Variants in DPYSL5 observed in about 807,000 individuals in gnomAD.
DPYSL5 encodes the protein dihydropyrimidinase-related protein 5.
In DPYSL5, 9 loss-of-function variants were observed where a neutral mutation model predicts 58.4. That is an observed-to-expected ratio of 0.15 (90% CI 0.09 to 0.27). The LOEUF is 0.27. Ranked by LOEUF, DPYSL5 falls within the 10% of genes least tolerant of loss-of-function variation. DPYSL5 has a pLI of 1.00. For synonymous variants in DPYSL5, 293 were observed against 301.9 expected, an observed-to-expected ratio of 0.97 and a Z score of 0.31; for missense variants, 499 against 770.6, an observed-to-expected ratio of 0.65 and a Z score of 4.17.
rs114789377 is a variant in DPYSL5 at position 26,879,711 on chromosome 2, G to T, written c.-4-18785G>T. 3.9e-3 allele frequency among the ~76,000 whole-genome samples: 587 copies of T among 152,254 alleles called. 4 individuals are homozygous for T. The highest frequency in any genetic ancestry group is 4.9e-3 in the African/African-American group (204 of 41,560). On this transcript the variant is annotated intron_variant, in intron 1 of 12. Transcript: ENST00000288699. Reference sequence around the variant, plus strand: ...CTGCTCTCCTCCACCTCATTACCTTGGGTGGTGGGGTCAGTTGCCATCTTC... The same window carrying T: ...CTGCTCTCCTCCACCTCATTACCTTTGGTGGTGGGGTCAGTTGCCATCTTC...
chr2:26,867,947 G>C (rs1663144182), intron 1 of DPYSL5, among the ~76,000 whole-genome samples: 1 of 152,160 alleles, frequency 6.6e-6, no homozygotes, highest in African/African-American at 2.4e-5. Flanking sequence ...GTTTCCACCA[G>C]CCATGTATGG....
chr2:26,863,451 A>G (rs1666066769), intron 1 of DPYSL5, among the ~76,000 whole-genome samples: 1 of 152,240 alleles, frequency 6.6e-6, no homozygotes, highest in Admixed American at 6.5e-5. Flanking sequence ...ATGGTAAAGG[A>G]AAAGGAGCTC....
rs373034710 is a variant in DPYSL5, at chr2:26,931,203, GTATA to G, written c.670-413_670-410del. 5.1e-4 allele frequency among the ~76,000 whole-genome samples: 23 copies of G among 44,926 alleles called. 1 individual carries two copies. The highest frequency in any genetic ancestry group is 1.7e-3 in the East Asian group (2 of 1,212). The allele number at this position is 44,926 out of a possible 152,430, so 29.5% of individuals were successfully genotyped here. Reference sequence around the variant, plus strand: ...TGTGTGTGTGTGTGTGTGTGTGTGTGTATATATATATATATATATATATATATGA... The same window carrying G: ...TGTGTGTGTGTGTGTGTGTGTGTGTGTATATATATATATATATATATATGA... On this transcript the variant is annotated intron_variant, in intron 5 of 12. Coordinates refer to ENST00000288699, the MANE Select transcript of DPYSL5 (RefSeq NM_020134.4).
chr2:26,876,382 C>T (rs895033555), intron 1 of DPYSL5, among the ~76,000 whole-genome samples: 2 of 152,138 alleles, frequency 1.3e-5, no homozygotes, highest in African/African-American at 4.8e-5. Flanking sequence ...ATGGGGGCCA[C>T]TGGAGGACGA....
chr2:26,931,724 C>T (rs1558350975), intron 6 of DPYSL5, 40 bp downstream of exon 6: 1 of 1,609,652 alleles, frequency 6.2e-7, no homozygotes, highest in South Asian at 1.1e-5. Context: ...AGAAACCAAC[C>T]TTGGCCAGGC....
At chr2:26,891,163 A>G (rs893242676) in intron 1 of DPYSL5, among the ~76,000 whole-genome samples, 6 of 152,178 alleles carry the variant, frequency 3.9e-5, no homozygotes, top group African/African-American at 1.4e-4. Context: ...CTTGGTAAAA[A>G]TGGGGGCAAT....
At chr2:26,889,864 C>A (rs1314709659) in intron 1 of DPYSL5, among the ~76,000 whole-genome samples, 1 of 152,134 alleles carries the variant, frequency 6.6e-6, no homozygotes, top group African/African-American at 2.4e-5. Flanking sequence ...AGAGACAGAC[C>A]AGCAACGTCC....
chr2:26,938,805 T>A (rs1572719916), intron 8 of DPYSL5: 1 of 152,324 alleles, frequency 6.6e-6, no homozygotes, highest in East Asian at 1.9e-4. Flanking sequence ...CCCCTGACCT[T>A]CAGGGCACCC....
intron 1 of DPYSL5, among the ~76,000 whole-genome samples, chr2:26,879,934 A>G (rs1338967125): frequency 6.6e-6 from 1 of 152,178 alleles, no homozygotes; most frequent in African/African-American, 2.4e-5. Flanking sequence ...TCTGTTGCCC[A>G]GGCTGGAGTG....
At chr2:26,910,763 G>A (rs1022972045) in intron 2 of DPYSL5, among the ~76,000 whole-genome samples, 1 of 150,900 alleles carries the variant, frequency 6.6e-6, no homozygotes, top group African/African-American at 2.4e-5. Flanking sequence ...CCCAAAAGTT[G>A]TTTATATAGT....
At chr2:26,882,431 G>C (rs1339610911) in intron 1 of DPYSL5, among the ~76,000 whole-genome samples, 3 of 129,102 alleles carry the variant, frequency 2.3e-5, no homozygotes, top group Admixed American at 2.2e-4. Context: ...GTGTGTGTCT[G>C]TGTGTGTGTG....
intron 2 of DPYSL5, among the ~76,000 whole-genome samples, chr2:26,917,640 A>T (rs1664600290): frequency 6.6e-6 from 1 of 152,186 alleles, no homozygotes; most frequent in African/African-American, 2.4e-5. Context: ...TGTCCTCAGC[A>T]ACCCCCCACC....
At chr2:26,908,996 C>T (rs374315304) in intron 2 of DPYSL5, among the ~76,000 whole-genome samples, 8 of 152,206 alleles carry the variant, frequency 5.3e-5, no homozygotes, top group African/African-American at 1.9e-4. Flanking sequence ...TCTCCCAAAC[C>T]TCACAGAGGT....
At chr2:26,945,248 C>T (rs904793995) in intron 12 of DPYSL5, among the ~76,000 whole-genome samples, 1 of 152,020 alleles carries the variant, frequency 6.6e-6, no homozygotes, top group Admixed American at 6.6e-5. Context: ...TCTGCTACCC[C>T]CTCTCCTCCT....
chr2:26,866,969 A>G (rs1666159682), intron 1 of DPYSL5, among the ~76,000 whole-genome samples: 1 of 151,870 alleles, frequency 6.6e-6, no homozygotes, highest in South Asian at 2.1e-4. Context: ...CCTGACCTCA[A>G]ATGATTCGCA....
chr2:26,936,607 T>A (rs114793167), intron 8 of DPYSL5, among the ~76,000 whole-genome samples: 3,804 of 152,154 alleles, frequency 0.025, 60 homozygotes, highest in Non-Finnish European at 0.039. Flanking sequence ...TAAATAAATA[T>A]GGAGGGTAAA....
rs509047 is a variant in DPYSL5, at chr2:26,905,661, T to C, written c.261+6901T>C. Among the ~76,000 whole-genome samples the C allele has an allele frequency of 0.42, 64,217 of 151,976 alleles. 14,154 individuals are homozygous for C. Among genetic ancestry groups the C allele is most frequent in the Admixed American group, 0.55 (8,444 of 15,262 alleles). ...TCTCCACTTTCTTCTGTGACTCACCTGTAGGCTGTAAAGAGCCCTGTGAAG... is the reference window on the plus strand; with the variant it reads ...TCTCCACTTTCTTCTGTGACTCACCCGTAGGCTGTAAAGAGCCCTGTGAAG... On this transcript the variant is annotated intron_variant, in intron 2 of 12. Coordinates refer to ENST00000288699, the MANE Select transcript of DPYSL5 (RefSeq NM_020134.4). This position sits in a 1 kb window ranked among gnomAD's most constrained non-coding sequence, Gnocchi z 4.0.
intron 1 of DPYSL5, among the ~76,000 whole-genome samples, chr2:26,852,370 A>G (rs72850579): frequency 0.026 from 3,922 of 152,310 alleles, 161 homozygotes; most frequent in African/African-American, 0.09. Flanking sequence ...AGGTTGAAAT[A>G]CCATAACATG....
intron 9 of DPYSL5, 136 bp downstream of exon 9, chr2:26,940,308 CTGTT>C: frequency 9.2e-7 from 1 of 1,083,358 alleles, no homozygotes; most frequent in South Asian, 2.5e-5. Flanking sequence ...TCAATCCCAG[CTGTT>C]TGTTTCACTC....
Sources: gnomAD v4.1 joint callset for allele counts (sites outside exome capture counted in the v4.1 genomes callset) on GRCh38, gnomAD v4.1.1 for gene constraint, Gnocchi (gnomAD v3.1) non-coding constraint, MANE v1.5 for transcripts, NCBI Gene and HGNC (gene_info 2026-07-23, HGNC 2026-07-21) for gene names.